LRRC46: variants seen among roughly 807,000 people sequenced by gnomAD.
LRRC46 encodes leucine-rich repeat-containing protein 46.
In LRRC46, 20 loss-of-function variants were observed where a neutral mutation model predicts 28.0. The observed-to-expected ratio is 0.71, with a 90% CI of 0.50 to 1.04. The LOEUF (loss-of-function observed/expected upper bound fraction) is 1.04, where lower values mean the gene tolerates loss of function less well. Among genes scored for constraint, LRRC46 ranks in the 50% least tolerant of loss-of-function variants. The pLI is 0.00. For synonymous variants in LRRC46, 156 were observed against 158.8 expected, an observed-to-expected ratio of 0.98 and a Z score of 0.13; for missense variants, 315 against 390.1, an observed-to-expected ratio of 0.81 and a Z score of 1.62.
chr17:47,835,100 T>C (rs1038869043), intron 3 of LRRC46: 4 of 492,894 alleles, frequency 8.1e-6, no homozygotes, highest in African/African-American at 7.9e-5. Flanking sequence ...AGGTCACTCT[T>C]TGGTTGTGGA....
At chr17:47,835,022 G>A (rs2033677761) in intron 3 of LRRC46, 2 of 331,632 alleles carry the variant, frequency 6.0e-6, no homozygotes, top group Non-Finnish European at 1.1e-5. Context: ...TTCTCTCTGT[G>A]TATGCAAGCC....
intron 2 of LRRC46, 62 bp from the exon 3 acceptor site, chr17:47,834,363 C>A: frequency 1.6e-6 from 2 of 1,214,266 alleles, no homozygotes; most frequent in Non-Finnish European, 2.4e-6. Flanking sequence ...GTCTCCCATC[C>A]TCCCTGCTAA....
At chr17:47,835,490 G>C in intron 4 of LRRC46, 91 bp downstream of exon 4, 1 of 1,513,248 alleles carries the variant, frequency 6.6e-7, no homozygotes, top group East Asian at 2.2e-5. Flanking sequence ...CCAAGCCTGG[G>C]TCCTTGTCAG....
At position 47,836,275 on chromosome 17, in the gene LRRC46, T is replaced by C. The variant is rs117027051; in HGVS notation, c.453-58T>C. 315 of 1,605,476 alleles carry C rather than the reference T, an allele frequency of 2.0e-4. 2 individuals are homozygous for C. In the East Asian group the frequency reaches 6.7e-3, roughly 34 times the overall value. ...GGTGTGAGTGCTGTGGTGCGTGTCT[T>C]TGCATCCTCCACGCCAGGGTGCCCT... On this transcript the variant is annotated intron_variant, in intron 6 of 7. Coordinates refer to ENST00000269025, the MANE Select transcript of LRRC46 (RefSeq NM_033413.4). The surrounding 1 kb of genome is among the most constrained non-coding windows in gnomAD (Gnocchi z 5.8).
intron 5 of LRRC46, 54 bp downstream of exon 5, chr17:47,835,829 T>TC: frequency 6.7e-7 from 1 of 1,493,020 alleles, no homozygotes; most frequent in Non-Finnish European, 9.3e-7. Flanking sequence ...GGGCCTGCCC[T>TC]CCCCTCTGCA....
Position 47,837,546 on chromosome 17 carries a change from T to C in LRRC46, c.*426T>C. 4.5e-6 allele frequency: 2 copies of C among 444,000 alleles called. No homozygotes were observed. Among genetic ancestry groups the C allele is most frequent in the Non-Finnish European group, 7.9e-6 (2 of 251,768 alleles). The allele number at this position is 444,000 out of a possible 1,614,324, so 27.5% of individuals were successfully genotyped here. A position where few individuals can be genotyped will look rare whatever the true frequency, so the allele number is the denominator to read the frequency against. On this transcript the variant is annotated 3_prime_UTR_variant, in exon 8 of 8. Transcript: ENST00000269025. ...CCAACAGCAGCCAGCTCCTGTCCCC[T>C]CCCTGTCCTCCTGCCCAGTCCCCAT...
Position 47,833,750 on chromosome 17 carries a change from C to CTTTTT in LRRC46, c.117-663_117-659dup, listed in dbSNP as rs34618388. 755 of 137,348 alleles carry CTTTTT rather than the reference C, an allele frequency of 5.5e-3. 8 individuals carry two copies. Among genetic ancestry groups the CTTTTT allele is most frequent in the Middle Eastern group, 0.015 (4 of 274 alleles). The allele number at this position is 137,348 out of a possible 1,614,324, so 8.5% of individuals were successfully genotyped here. Reference sequence around the variant, plus strand: ...TACAGTGAGCCACCTCGCCCAGCCTCTTTTTTTTTTTTTTTTATGACATAG... The same window carrying CTTTTT: ...TACAGTGAGCCACCTCGCCCAGCCTCTTTTTTTTTTTTTTTTTTTTTATGACATAG... On this transcript the variant is annotated intron_variant, in intron 2 of 7. Coordinates refer to ENST00000269025, the MANE Select transcript of LRRC46 (RefSeq NM_033413.4).
chr17:47,837,712 A>T lies in LRRC46; in HGVS notation c.*592A>T. 1 of 1,113,678 alleles carries T rather than the reference A, an allele frequency of 9.0e-7. No homozygotes were observed. The highest frequency in any genetic ancestry group is 1.2e-6 in the Non-Finnish European group (1 of 823,022). 69.0% of individuals were successfully genotyped at this position (1,113,678 alleles called of 1,614,324 possible). A position where few individuals can be genotyped will look rare whatever the true frequency, so the allele number is the denominator to read the frequency against. ...GAAGAGAAAATAAAGCACATTTATTAAGGCAAAGGCCAAGCTGGCCGCTCA... is the reference window on the plus strand; with the variant it reads ...GAAGAGAAAATAAAGCACATTTATTTAGGCAAAGGCCAAGCTGGCCGCTCA... On this transcript the variant is annotated 3_prime_UTR_variant, in exon 8 of 8. Coordinates refer to ENST00000269025, the MANE Select transcript of LRRC46 (RefSeq NM_033413.4).
Position 47,837,168 on chromosome 17 carries a change from C to T in LRRC46, c.*48C>T. 6.3e-7 allele frequency: 1 copy of T among 1,582,260 alleles called. No homozygotes were observed. The highest frequency in any genetic ancestry group is 8.5e-7 in the Non-Finnish European group (1 of 1,172,616). ...TAGTGGAGAGGAGTGGGGCCTGCCC[C>T]TCTTCTCAGACCTCTGACCTGTGAC... is the stretch of plus-strand genomic sequence containing the variant. On this transcript the variant is annotated 3_prime_UTR_variant, in exon 8 of 8. Coordinates refer to ENST00000269025, the MANE Select transcript of LRRC46 (RefSeq NM_033413.4).
At chr17:47,832,027 G>A in intron 1 of LRRC46, 28 bp downstream of exon 1, 1 of 1,613,920 alleles carries the variant, frequency 6.2e-7, no homozygotes. Context: ...ACGGTGGGTA[G>A]AGCAGTTGGA....
chr17:47,832,031 A>C, intron 1 of LRRC46, 32 bp downstream of exon 1: 1 of 1,614,002 alleles, frequency 6.2e-7, no homozygotes, highest in Non-Finnish European at 8.5e-7. Flanking sequence ...TGGGTAGAGC[A>C]GTTGGAAAAC....
At chr17:47,833,108 G>A (rs2143606676) in intron 2 of LRRC46, among the ~76,000 whole-genome samples, 1 of 152,238 alleles carries the variant, frequency 6.6e-6, no homozygotes, top group South Asian at 2.1e-4. Flanking sequence ...TGGGCATATT[G>A]GAGTTTCGGA....
chr17:47,832,657 G>T (rs1317419240), intron 2 of LRRC46, among the ~76,000 whole-genome samples: 1 of 152,154 alleles, frequency 6.6e-6, no homozygotes, highest in African/African-American at 2.4e-5. Context: ...TGCCAGCCTG[G>T]GCAACAGGGT....
intron 2 of LRRC46, 73 bp from the exon 3 acceptor site, chr17:47,834,352 C>A: frequency 9.1e-7 from 1 of 1,094,848 alleles, no homozygotes; most frequent in Non-Finnish European, 1.3e-6. Context: ...TTCCCTCCTC[C>A]GTCTCCCATC....
At chr17:47,835,809 A>C in intron 5 of LRRC46, 34 bp downstream of exon 5, 3 of 1,568,000 alleles carry the variant, frequency 1.9e-6, no homozygotes, top group Non-Finnish European at 2.6e-6. Flanking sequence ...CACCAAACAC[A>C]TCCCCTGTGG....
Position 47,834,338 on chromosome 17 carries a change from C to A in LRRC46, c.117-87C>A, listed in dbSNP as rs866544096. ...CTCAGCCAACTACCCCTCCTTGAAA[C>A]CCCTTCCCTCCTCCGTCTCCCATCC... is the stretch of plus-strand genomic sequence containing the variant. On this transcript the variant is annotated intron_variant, in intron 2 of 7. Coordinates refer to ENST00000269025, the MANE Select transcript of LRRC46 (RefSeq NM_033413.4). The A allele has an allele frequency of 2.7e-4, 263 of 986,368 alleles. 1 individual carries two copies. The highest frequency in any genetic ancestry group is 3.9e-4 in the Admixed American group (17 of 43,272). The allele number at this position is 986,368 out of a possible 1,614,324, so 61.1% of individuals were successfully genotyped here.
In LRRC46 at chr17:47,836,011, CCT is replaced by C. The variant is rs2033690594; in HGVS notation, c.383-15_383-14del. 6.2e-7 allele frequency: 1 copy of C among 1,613,060 alleles called. No individual in the cohort carries two copies. Among genetic ancestry groups the C allele is most frequent in the African/African-American group, 1.3e-5 (1 of 74,902 alleles). ...CTAAGATCAAGTGAGAACCCCATTT[CCT>C]CTCTCTTTGCTGTGTGCAGATGAGT... On this transcript the variant is annotated intron_variant, in intron 5 of 7. Transcript: ENST00000269025. The surrounding 1 kb of genome is among the most constrained non-coding windows in gnomAD (Gnocchi z 5.8).
chr17:47,836,124 G>A lies in LRRC46; in HGVS notation c.452+22G>A. The A allele has an allele frequency of 1.2e-6, 2 of 1,613,444 alleles. No homozygotes were observed. The highest frequency in any genetic ancestry group is 1.7e-6 in the Non-Finnish European group (2 of 1,179,380). ...ACCGGTAAGGAGTGGAGGGTGGGAAGAAAGGTCATGGCTGAGCTCTACCTG... is the reference window on the plus strand; with the variant it reads ...ACCGGTAAGGAGTGGAGGGTGGGAAAAAAGGTCATGGCTGAGCTCTACCTG... On this transcript the variant is annotated intron_variant, in intron 6 of 7. Coordinates refer to ENST00000269025, the MANE Select transcript of LRRC46 (RefSeq NM_033413.4). The surrounding 1 kb of genome is among the most constrained non-coding windows in gnomAD (Gnocchi z 5.8).
Position 47,836,637 on chromosome 17 carries a change from C to A in LRRC46, c.596-113C>A, listed in dbSNP as rs924103914. On this transcript the variant is annotated intron_variant, in intron 7 of 7. Coordinates refer to ENST00000269025, the MANE Select transcript of LRRC46 (RefSeq NM_033413.4). This position sits in a 1 kb window ranked among gnomAD's most constrained non-coding sequence, Gnocchi z 5.8. Reference sequence around the variant, plus strand: ...GTCAGTCCTGGGCCCCAGCCTCAGGCTCCTTCCCACAAGGGACAAGGGGCC... The same window carrying A: ...GTCAGTCCTGGGCCCCAGCCTCAGGATCCTTCCCACAAGGGACAAGGGGCC... The A allele has an allele frequency of 4.0e-6, 6 of 1,504,020 alleles. No individual in the cohort carries two copies. Among genetic ancestry groups the A allele is most frequent in the Non-Finnish European group, 4.5e-6 (5 of 1,122,032 alleles). The allele number at this position is 1,504,020 out of a possible 1,614,324, so 93.2% of individuals were successfully genotyped here.
Sources: allele counts gnomAD v4.1 joint callset (sites outside exome capture counted in the v4.1 genomes callset), GRCh38; gene constraint gnomAD v4.1.1; non-coding constraint Gnocchi (gnomAD v3.1); transcripts MANE v1.5; gene names NCBI Gene and HGNC (gene_info 2026-07-23, HGNC 2026-07-21).